Variants in SDK1 observed in about 807,000 individuals in gnomAD.
SDK1 encodes the protein sidekick cell adhesion molecule 1.
A neutral mutation model predicts 245.5 loss-of-function variants in SDK1; 157 were observed. The observed-to-expected ratio is 0.64, with a 90% CI of 0.56 to 0.73. The LOEUF is 0.73. Among genes scored for constraint, SDK1 ranks in the 30% least tolerant of loss-of-function variants. SDK1 has a pLI of 0.00. For missense variants in SDK1, 3,583 were observed against 3,002.3 expected (o/e 1.19, Z -4.52); for synonymous variants, 1,647 against 1,278.5 (o/e 1.29, Z -6.15).
At chr7:4,041,442 A>G (rs1233876371) in intron 17 of SDK1, among the ~76,000 whole-genome samples, 1 of 152,104 alleles carries the variant, frequency 6.6e-6, no homozygotes, top group Non-Finnish European at 1.5e-5. Context: ...CAGTGAACCT[A>G]CCTTGATACA....
At chr7:3,670,518 T>C (rs1440036524) in intron 4 of SDK1, among the ~76,000 whole-genome samples, 3 of 152,218 alleles carry the variant, frequency 2.0e-5, no homozygotes, top group African/African-American at 4.8e-5. Context: ...ATCTCTGAAA[T>C]GCAGTTATTA....
chr7:3,649,332 A>C (rs796158499), intron 4 of SDK1, among the ~76,000 whole-genome samples: 1 of 152,082 alleles, frequency 6.6e-6, no homozygotes, highest in African/African-American at 2.4e-5. Context: ...TTCAAAGTTC[A>C]TAGATGGATG....
chr7:4,057,770 G>A (rs963646990), intron 19 of SDK1, among the ~76,000 whole-genome samples: 8 of 152,100 alleles, frequency 5.3e-5, no homozygotes, highest in African/African-American at 9.7e-5. Flanking sequence ...ACCCTAAGCC[G>A]CTGAGGAAAT....
intron 4 of SDK1, among the ~76,000 whole-genome samples, chr7:3,727,538 T>C (rs907491445): frequency 6.6e-6 from 1 of 152,168 alleles, no homozygotes; most frequent in African/African-American, 2.4e-5. Flanking sequence ...TCACTCAGGC[T>C]GGAGTGCAGT....
At chr7:4,014,905 C>T (rs1033492054) in intron 16 of SDK1, among the ~76,000 whole-genome samples, 6 of 152,176 alleles carry the variant, frequency 3.9e-5, no homozygotes, top group Non-Finnish European at 8.8e-5. Flanking sequence ...GTGACTGTTC[C>T]GGAGGGGAGC....
In SDK1 at chr7:3,894,722, G is replaced by A. The variant is rs146868468; in HGVS notation, c.848-56201G>A. On this transcript the variant is annotated intron_variant, in intron 5 of 44. Coordinates refer to ENST00000404826, the MANE Select transcript of SDK1 (RefSeq NM_152744.4). The stretch of plus-strand genomic sequence containing the variant: ...TCTTTTTTTTTTTTTTTTTTGAGAC[G>A]GAGTCTCACTCTGTCCCCCCGGTTG... Among the ~76,000 whole-genome samples, 968 of 143,500 alleles carry A rather than the reference G, an allele frequency of 6.7e-3. 10 individuals carry two copies. The highest frequency in any genetic ancestry group is 0.023 in the African/African-American group (892 of 38,418). The allele number at this position is 143,500 out of a possible 152,430, so 94.1% of individuals were successfully genotyped here.
intron 4 of SDK1, among the ~76,000 whole-genome samples, chr7:3,789,532 G>A (rs867973473): frequency 9.9e-5 from 15 of 152,168 alleles, no homozygotes; most frequent in African/African-American, 3.1e-4. Flanking sequence ...GGGACTTTTT[G>A]TGTTAGGTTA....
chr7:3,526,986 C>T (rs1176516471), intron 1 of SDK1, among the ~76,000 whole-genome samples: 9 of 152,154 alleles, frequency 5.9e-5, no homozygotes, highest in Admixed American at 3.3e-4. Flanking sequence ...AATCTACCTT[C>T]AGCTTCAGTG....
At chr7:3,998,290 A>G (rs117594196) in intron 14 of SDK1, among the ~76,000 whole-genome samples, 1 of 152,216 alleles carries the variant, frequency 6.6e-6, no homozygotes, top group Non-Finnish European at 1.5e-5. Flanking sequence ...CCTCCCTGCA[A>G]CAGCTGGCAT....
chr7:4,141,240 A>G (rs1779565306), intron 28 of SDK1, among the ~76,000 whole-genome samples: 2 of 152,212 alleles, frequency 1.3e-5, no homozygotes, highest in African/African-American at 4.8e-5. Flanking sequence ...ACCTTGGAGG[A>G]CAGAAGAGTC....
chr7:3,605,130 A>AG (rs1781378888), intron 1 of SDK1, among the ~76,000 whole-genome samples: 2 of 126,350 alleles, frequency 1.6e-5, no homozygotes, highest in African/African-American at 5.8e-5. Context: ...GCACTTGAGG[A>AG]AAAAAAAAAC....
At chr7:3,882,924 C>G (rs1232362050) in intron 5 of SDK1, among the ~76,000 whole-genome samples, 1 of 152,112 alleles carries the variant, frequency 6.6e-6, no homozygotes, top group African/African-American at 2.4e-5. Context: ...GGCTTTTTTC[C>G]CCTTCAAATG....
intron 4 of SDK1, among the ~76,000 whole-genome samples, chr7:3,778,801 C>T (rs1216285307): frequency 6.6e-6 from 1 of 151,904 alleles, no homozygotes; most frequent in Non-Finnish European, 1.5e-5. Flanking sequence ...GTTGAAGGGC[C>T]CTGCAGGGTC....
intron 9 of SDK1, among the ~76,000 whole-genome samples, chr7:3,966,394 C>G (rs562451562): frequency 6.6e-6 from 1 of 152,072 alleles, no homozygotes; most frequent in African/African-American, 2.4e-5. Flanking sequence ...CACTGTTGTA[C>G]GGGGGGTTCC....
intron 4 of SDK1, among the ~76,000 whole-genome samples, chr7:3,794,354 A>AG (rs1180093497): frequency 6.6e-6 from 1 of 152,144 alleles, no homozygotes; most frequent in Non-Finnish European, 1.5e-5. Flanking sequence ...AAAAATAGGA[A>AG]GAAAAAAAAG....
At chr7:3,520,599 A>G (rs1021279888) in intron 1 of SDK1, among the ~76,000 whole-genome samples, 1 of 152,198 alleles carries the variant, frequency 6.6e-6, no homozygotes, top group African/African-American at 2.4e-5. Context: ...GTAGAATTCT[A>G]ATGTATCTGA....
At chr7:4,063,394 G>A (rs1473507190) in intron 19 of SDK1, among the ~76,000 whole-genome samples, 1 of 152,054 alleles carries the variant, frequency 6.6e-6, no homozygotes, top group African/African-American at 2.4e-5. Flanking sequence ...TTTAACCAAG[G>A]AGGTGAAAGA....
At chr7:3,524,276 G>C (rs1783043427) in intron 1 of SDK1, among the ~76,000 whole-genome samples, 1 of 152,156 alleles carries the variant, frequency 6.6e-6, no homozygotes, top group African/African-American at 2.4e-5. Context: ...AGAGGATGCT[G>C]AGTCAAGGTG....
chr7:4,208,363 A>G (rs1784347198), intron 37 of SDK1, 78 bp downstream of exon 37: 3 of 1,377,668 alleles, frequency 2.2e-6, no homozygotes, highest in South Asian at 1.2e-5. Context: ...GTCCCCTCAC[A>G]CAGTGGTTCC....
Sources: allele counts gnomAD v4.1 joint callset (sites outside exome capture counted in the v4.1 genomes callset), GRCh38; gene constraint gnomAD v4.1.1; transcripts MANE v1.5; gene names NCBI Gene and HGNC (gene_info 2026-07-23, HGNC 2026-07-21).